RGS5: variants seen among roughly 807,000 people sequenced by gnomAD.
RGS5 encodes the protein regulator of G-protein signalling 5.
In RGS5, 20 loss-of-function variants were observed where a neutral mutation model predicts 18.9. That is an observed-to-expected ratio of 1.06 (90% CI 0.74 to 1.54). The LOEUF (loss-of-function observed/expected upper bound fraction) is 1.54, where lower values mean the gene tolerates loss of function less well. Ranked by LOEUF, RGS5 falls within the 40% of genes most tolerant of loss-of-function variation. The pLI, the probability that RGS5 is intolerant of heterozygous loss-of-function variation, is 0.00. For synonymous variants in RGS5, 57 were observed against 76.2 expected (o/e 0.75, Z 1.31); for missense variants, 201 against 211.8 (o/e 0.95, Z 0.32).
intron 1 of RGS5, among the ~76,000 whole-genome samples, chr1:163,310,954 A>G (rs1163780138): frequency 1.3e-5 from 2 of 152,210 alleles, no homozygotes; most frequent in Admixed American, 1.3e-4. Flanking sequence ...AGCCCCTTAT[A>G]AAACCGTCAG....
intron 4 of RGS5, among the ~76,000 whole-genome samples, chr1:163,148,317 C>T (rs927111119): frequency 1.3e-5 from 2 of 152,104 alleles, no homozygotes; most frequent in Non-Finnish European, 2.9e-5. Flanking sequence ...GTCTGGGGAT[C>T]CAGGACCTTT....
intron 1 of RGS5, among the ~76,000 whole-genome samples, chr1:163,313,995 ATATATGTG>A (rs764742283): frequency 0.23 from 1,307 of 5,582 alleles, 11 homozygotes; most frequent in Non-Finnish European, 0.26. Context: ...TAAATAAGAT[ATATATGTG>A]TGTGTGTGTG....
chr1:163,191,559 G>C (rs1000310323), intron 1 of RGS5, among the ~76,000 whole-genome samples: 2 of 152,148 alleles, frequency 1.3e-5, no homozygotes, highest in African/African-American at 4.8e-5. Flanking sequence ...CTTCATGAGT[G>C]CGTTTCTTAT....
chr1:163,261,099 T>C (rs929156569), intron 2 of RGS5, among the ~76,000 whole-genome samples: 2 of 138,244 alleles, frequency 1.4e-5, no homozygotes, highest in African/African-American at 5.1e-5. Context: ...GTATTTTGAC[T>C]TAAACTGGAT....
At chr1:163,179,400 G>A (rs1658710112) in intron 1 of RGS5, among the ~76,000 whole-genome samples, 1 of 152,170 alleles carries the variant, frequency 6.6e-6, no homozygotes, top group Admixed American at 6.5e-5. Flanking sequence ...CCCAGCACAT[G>A]TACTATGGTA....
At chr1:163,291,583 T>C (rs1217276658) in intron 2 of RGS5, among the ~76,000 whole-genome samples, 1 of 152,194 alleles carries the variant, frequency 6.6e-6, no homozygotes, top group Admixed American at 6.5e-5. Context: ...TTATAGAATC[T>C]AAGATTGGCC....
intron 1 of RGS5, among the ~76,000 whole-genome samples, chr1:163,314,751 G>T (rs12132663): frequency 0.067 from 10,218 of 152,126 alleles, 360 homozygotes; most frequent in South Asian, 0.095. Context: ...TCATGACAGG[G>T]GAGCCTTCAT....
At chr1:163,234,551 CTCTTT>C (rs1421464843) in intron 2 of RGS5, among the ~76,000 whole-genome samples, 3 of 152,050 alleles carry the variant, frequency 2.0e-5, no homozygotes, top group African/African-American at 7.2e-5. Context: ...GTGTTCCTTC[CTCTTT>C]TATTTTAGGG....
intron 2 of RGS5, among the ~76,000 whole-genome samples, chr1:163,282,469 G>A (rs1354861759): frequency 6.7e-6 from 1 of 149,134 alleles, no homozygotes; most frequent in African/African-American, 2.4e-5. Context: ...AGCACTTTGG[G>A]AGGCTGAGGC....
At chr1:163,155,284 G>A (rs1276859963) in intron 3 of RGS5, among the ~76,000 whole-genome samples, 5 of 152,090 alleles carry the variant, frequency 3.3e-5, no homozygotes, top group Admixed American at 2.6e-4. Context: ...GATGTATGCC[G>A]GGATTCCACA....
Position 163,147,374 on chromosome 1 carries a change from G to A in RGS5, c.514C>T (p.Arg172Cys), listed in dbSNP as rs112323155. ...MEKDSLPRFV[R>C]SEFYQELIK ...ATTAACTCCTGATAAAACTCAGAGCGCACAAAGCGAGGCAGAGAATCCTTT... is the reference window on the plus strand; with the variant it reads ...ATTAACTCCTGATAAAACTCAGAGCACACAAAGCGAGGCAGAGAATCCTTT... The change falls in exon 5 of 5, where the codon CGC becomes TGC. Residue 172 changes from arginine to cysteine, a missense_variant. Coordinates refer to ENST00000313961, the MANE Select transcript of RGS5 (RefSeq NM_003617.4). 2.9e-5 allele frequency: 46 copies of A among 1,608,746 alleles called. No individual in the cohort carries two copies. The highest frequency in any genetic ancestry group is 3.3e-5 in the Non-Finnish European group (39 of 1,177,872).
chr1:163,218,562 T>A (rs1214326569), upstream of RGS5, among the ~76,000 whole-genome samples: 1 of 151,836 alleles, frequency 6.6e-6, no homozygotes, highest in Non-Finnish European at 1.5e-5. Flanking sequence ...CTGTGCATTA[T>A]GCATTTTATT....
chr1:163,200,857 T>G (rs757600633), intron 1 of RGS5, among the ~76,000 whole-genome samples: 3 of 152,160 alleles, frequency 2.0e-5, no homozygotes, highest in Non-Finnish European at 4.4e-5. Context: ...GAATTTACTG[T>G]GCATCAAAAA....
In RGS5 at chr1:163,153,657, TATATAG is replaced by T. The variant is rs577109826; in HGVS notation, c.218-947_218-942del. ...TATATAATATGTAGATATTTTAGTC[TATATAG>T]ATATAGATATAGCCTATTATATATA... On this transcript the variant is annotated intron_variant, in intron 3 of 4. Coordinates refer to ENST00000313961, the MANE Select transcript of RGS5 (RefSeq NM_003617.4). Among the ~76,000 whole-genome samples, 532 of 151,418 alleles carry T rather than the reference TATATAG, an allele frequency of 3.5e-3. 5 individuals carry two copies. The highest frequency in any genetic ancestry group is 0.012 in the African/African-American group (512 of 41,426).
Position 163,142,936 on chromosome 1 carries a change from T to C in RGS5, c.*4406A>G, listed in dbSNP as rs1439155588. On this transcript the variant is annotated 3_prime_UTR_variant, in exon 5 of 5. Coordinates refer to ENST00000313961, the MANE Select transcript of RGS5 (RefSeq NM_003617.4). ...TCTACTAGAAAAATAATAAGATGTATTATTAAAACGTGAGTTGAGAATAAT... is the reference window on the plus strand; with the variant it reads ...TCTACTAGAAAAATAATAAGATGTACTATTAAAACGTGAGTTGAGAATAAT... The C allele has an allele frequency of 6.6e-6, 1 of 152,198 alleles. No homozygotes were observed. Among genetic ancestry groups the C allele is most frequent in the African/African-American group, 2.4e-5 (1 of 41,452 alleles). The allele number at this position is 152,198 out of a possible 1,614,324, so 9.4% of individuals were successfully genotyped here.
chr1:163,161,483 A>T (rs1000944368), intron 3 of RGS5, among the ~76,000 whole-genome samples: 5 of 152,210 alleles, frequency 3.3e-5, no homozygotes, highest in African/African-American at 1.2e-4. Context: ...AGCAGTTGAC[A>T]GTATAATAGT....
At chr1:163,280,589 GA>G (rs1434208637) in intron 2 of RGS5, among the ~76,000 whole-genome samples, 5 of 151,658 alleles carry the variant, frequency 3.3e-5, no homozygotes, top group Non-Finnish European at 7.4e-5. Flanking sequence ...GGAAAACTGT[GA>G]AACACTGAGG....
chr1:163,307,698 A>C (rs1209183018), intron 1 of RGS5, among the ~76,000 whole-genome samples: 2 of 152,186 alleles, frequency 1.3e-5, no homozygotes, highest in Non-Finnish European at 2.9e-5. Flanking sequence ...TGTCTAGTAC[A>C]TGAATCAGAA....
At chr1:163,198,669 C>T (rs1045036208) in intron 1 of RGS5, among the ~76,000 whole-genome samples, 1 of 152,042 alleles carries the variant, frequency 6.6e-6, no homozygotes, top group Non-Finnish European at 1.5e-5. Flanking sequence ...TCTCACTCTG[C>T]ACCCAGGCTG....
Sources: allele counts gnomAD v4.1 joint callset (sites outside exome capture counted in the v4.1 genomes callset), GRCh38; gene constraint gnomAD v4.1.1; transcripts MANE v1.5; gene names NCBI Gene and HGNC (gene_info 2026-07-23, HGNC 2026-07-21).